Variants in GPR158 observed in about 807,000 individuals in gnomAD.
The protein encoded by GPR158 is metabotropic glycine receptor.
A neutral mutation model predicts 78.2 loss-of-function variants in GPR158; 30 were observed. The ratio of observed to expected loss-of-function variants is 0.38; its 90% confidence interval spans 0.29 to 0.52. The LOEUF (loss-of-function observed/expected upper bound fraction) is 0.52. GPR158 is among the 20% of genes least tolerant of loss of function. GPR158 has a pLI of 0.83. For synonymous variants in GPR158, 581 were observed against 591.1 expected, an observed-to-expected ratio of 0.98 and a Z score of 0.25; for missense variants, 1,463 against 1,523.5, an observed-to-expected ratio of 0.96 and a Z score of 0.66.
chr10:25,329,077 A>T (rs1855080293), intron 2 of GPR158, among the ~76,000 whole-genome samples: 1 of 151,738 alleles, frequency 6.6e-6, no homozygotes, highest in African/African-American at 2.4e-5. Context: ...TCTTCCTGGT[A>T]GTTTGGTAGT....
intron 2 of GPR158, among the ~76,000 whole-genome samples, chr10:25,313,651 C>T (rs1233170843): frequency 6.6e-6 from 1 of 152,076 alleles, no homozygotes; most frequent in Non-Finnish European, 1.5e-5. Context: ...TAATGGACTC[C>T]TTAACCCATT....
intron 2 of GPR158, among the ~76,000 whole-genome samples, chr10:25,359,005 T>G (rs915487419): frequency 3.4e-5 from 4 of 117,300 alleles, no homozygotes; most frequent in South Asian, 2.2e-4. Context: ...AAGTATTCTG[T>G]TTTTTTTTGT....
At chr10:25,480,164 G>A (rs1302991134) in intron 5 of GPR158, among the ~76,000 whole-genome samples, 1 of 151,982 alleles carries the variant, frequency 6.6e-6, no homozygotes, top group East Asian at 1.9e-4. Context: ...TTTCTTTGAG[G>A]CCATGAGAAT....
chr10:25,496,663 A>G (rs1348248530), intron 5 of GPR158, among the ~76,000 whole-genome samples: 1 of 152,174 alleles, frequency 6.6e-6, no homozygotes, highest in African/African-American at 2.4e-5. Flanking sequence ...TTAGATAAGG[A>G]TTATCCTACA....
At chr10:25,512,707 C>G (rs1836101315) in intron 5 of GPR158, among the ~76,000 whole-genome samples, 1 of 147,774 alleles carries the variant, frequency 6.8e-6, no homozygotes, top group African/African-American at 2.7e-5. Context: ...TATGTCCGTC[C>G]TGTACTGACT....
At chr10:25,242,273 C>T (rs1460189910) in intron 2 of GPR158, among the ~76,000 whole-genome samples, 1 of 152,026 alleles carries the variant, frequency 6.6e-6, no homozygotes, top group Non-Finnish European at 1.5e-5. Flanking sequence ...ATGGAAGGCA[C>T]CAGATGCTGA....
chr10:25,383,346 T>A (rs1036524056), intron 2 of GPR158, among the ~76,000 whole-genome samples: 4 of 152,192 alleles, frequency 2.6e-5, no homozygotes, highest in African/African-American at 7.2e-5. Context: ...GCAGGAAACT[T>A]GCTGGAATTA....
chr10:25,385,294 G>A (rs1162379525), intron 2 of GPR158, among the ~76,000 whole-genome samples: 2 of 152,066 alleles, frequency 1.3e-5, no homozygotes, highest in Admixed American at 6.5e-5. Flanking sequence ...AGATGATAGA[G>A]TTTCCTTCTC....
At position 25,599,221 on chromosome 10, in the gene GPR158, A is replaced by C; in HGVS notation, c.3595A>C (p.Asn1199His). The change falls in exon 11 of 11, where the codon AAT (asparagine) becomes CAT (histidine). Residue 1199 changes from asparagine (N) to histidine (H), a missense_variant. Transcript: ENST00000376351. ...ACCTGCCTCTTCTGCTCTAAGTGCA[A>C]ATAAGATAGCAGGGCCTAGGAAAGA... ...ALPASSALSA[N>H]KIAGPRKEEI... The C allele has an allele frequency of 6.2e-7, 1 of 1,612,568 alleles. No homozygotes were observed. Among genetic ancestry groups the C allele is most frequent in the Non-Finnish European group, 8.5e-7 (1 of 1,179,798 alleles).
intron 2 of GPR158, among the ~76,000 whole-genome samples, chr10:25,229,437 T>C (rs1055392910): frequency 1.3e-5 from 2 of 152,150 alleles, no homozygotes; most frequent in South Asian, 2.1e-4. Flanking sequence ...AAAATCTTCT[T>C]ATTAATTTTA....
intron 2 of GPR158, among the ~76,000 whole-genome samples, chr10:25,322,673 TA>T (rs1184540179): frequency 1.3e-5 from 2 of 152,218 alleles, no homozygotes; most frequent in East Asian, 3.9e-4. Context: ...ATGTATTCCT[TA>T]AATAATAAGA....
At chr10:25,439,751 G>A (rs550700745) in intron 4 of GPR158, among the ~76,000 whole-genome samples, 2 of 152,254 alleles carry the variant, frequency 1.3e-5, no homozygotes, top group East Asian at 3.9e-4. Flanking sequence ...CATGTGGAAA[G>A]CTTGTCAAAC....
intron 1 of GPR158, among the ~76,000 whole-genome samples, chr10:25,192,660 C>CT (rs951662043): frequency 6.6e-6 from 1 of 151,976 alleles, no homozygotes; most frequent in Non-Finnish European, 1.5e-5. Flanking sequence ...ATGTACTAAA[C>CT]TTTTTTTAAA....
chr10:25,550,113 A>G (rs184674155), intron 5 of GPR158, among the ~76,000 whole-genome samples: 3 of 152,200 alleles, frequency 2.0e-5, no homozygotes, highest in Admixed American at 2.0e-4. Context: ...AGTGTCTTGC[A>G]CGTTATCTGT....
intron 5 of GPR158, among the ~76,000 whole-genome samples, chr10:25,467,070 TAGGG>T (rs1835434754): frequency 6.6e-6 from 1 of 152,138 alleles, no homozygotes; most frequent in African/African-American, 2.4e-5. Context: ...TTATACATTT[TAGGG>T]AGGCATGAGA....
At chr10:25,322,338 G>A (rs574944438) in intron 2 of GPR158, among the ~76,000 whole-genome samples, 82 of 150,938 alleles carry the variant, frequency 5.4e-4, no homozygotes, top group African/African-American at 1.5e-3. Flanking sequence ...CCGAGATGGC[G>A]CCACTGCACT....
intron 5 of GPR158, among the ~76,000 whole-genome samples, chr10:25,484,045 A>G (rs112390318): frequency 6.6e-6 from 1 of 152,148 alleles, no homozygotes; most frequent in African/African-American, 2.4e-5. Flanking sequence ...GGGCTTATAG[A>G]AAAGACCGAT....
In GPR158 at chr10:25,277,804, C is replaced by T. The variant is rs112558753; in HGVS notation, c.1008+56647C>T. On this transcript the variant is annotated intron_variant, in intron 2 of 10. Coordinates refer to ENST00000376351, the MANE Select transcript of GPR158 (RefSeq NM_020752.3). ...GGCAAACTGAACAAAGAAACCTCTC[C>T]GACACCTTGGTGGCTCTGGTTTTAG... Among the ~76,000 whole-genome samples, 517 of 152,238 alleles carry T rather than the reference C, an allele frequency of 3.4e-3. 6 individuals are homozygous for T. The highest frequency in any genetic ancestry group is 0.012 in the African/African-American group (499 of 41,552).
chr10:25,313,374 T>C (rs1360228975), intron 2 of GPR158, among the ~76,000 whole-genome samples: 1 of 151,856 alleles, frequency 6.6e-6, no homozygotes, highest in Non-Finnish European at 1.5e-5. Context: ...GTTTTGCACA[T>C]GTACCCTAAA....
Sources: allele counts gnomAD v4.1 joint callset (sites outside exome capture counted in the v4.1 genomes callset), GRCh38; gene constraint gnomAD v4.1.1; transcripts MANE v1.5; gene names NCBI Gene and HGNC (gene_info 2026-07-23, HGNC 2026-07-21).